The following GAPDHS variants were observed in gnomAD, a reference collection of about 807,000 sequenced individuals.
GAPDHS encodes the protein glyceraldehyde-3-phosphate dehydrogenase, testis-specific.
GAPDHS carries 42 observed loss-of-function variants against 48.7 expected under a neutral mutation model. That is an observed-to-expected ratio of 0.86 (90% confidence interval 0.67 to 1.12). The LOEUF (loss-of-function observed/expected upper bound fraction) is 1.12. Among genes scored for constraint, GAPDHS ranks in the 50% most tolerant of loss-of-function variants. The pLI is 0.00. For missense variants in GAPDHS, 512 were observed against 557.7 expected (o/e 0.92, Z 0.82); for synonymous variants, 166 against 219.1 (o/e 0.76, Z 2.14).
intron 1 of GAPDHS, among the ~76,000 whole-genome samples, chr19:35,535,400 T>G (rs1005994727): frequency 7.9e-5 from 12 of 152,228 alleles, no homozygotes; most frequent in South Asian, 2.1e-4. Context: ...TATTTTTTTT[T>G]GGGAGATGGA....
intron 4 of GAPDHS, 65 bp from the exon 5 acceptor site, chr19:35,542,254 G>A: frequency 9.0e-7 from 1 of 1,114,882 alleles, no homozygotes; most frequent in Non-Finnish European, 1.4e-6. Flanking sequence ...AATGGTGAAA[G>A]CCATGGACTA....
In GAPDHS at chr19:35,536,989, G is replaced by A. The variant is rs775923448; in HGVS notation, c.244G>A (p.Gly82Arg). The A allele has an allele frequency of 6.2e-7, 1 of 1,612,590 alleles. No homozygotes were observed. Among genetic ancestry groups the A allele is most frequent in the Non-Finnish European group, 8.5e-7 (1 of 1,179,178 alleles). The part of the protein sequence containing the change: ...VARELTVGIN[G>R]FGRIGRLVLR... ...CCGGGAGCTGACTGTGGGCATCAAT[G>A]GGTGAGTCTACTCCAGCCCCTGATC... The change falls in exon 2 of 11, where the codon GGA becomes AGA. Residue 82 changes from glycine (G) to arginine (R), a missense_variant and splice_region_variant. Physicochemically the swap from Gly to Arg is moderately radical, Grantham distance 125. Coordinates refer to ENST00000222286, the MANE Select transcript of GAPDHS (RefSeq NM_014364.5).
Position 35,537,198 on chromosome 19 carries a change from T to C in GAPDHS, c.245+208T>C, listed in dbSNP as rs76569899. Among the ~76,000 whole-genome samples the C allele has an allele frequency of 1.9e-3, 288 of 152,316 alleles. 5 individuals are homozygous for C. In the East Asian group the frequency reaches 0.042, roughly 22 times the overall value. On this transcript the variant is annotated intron_variant, in intron 2 of 10. Transcript: ENST00000222286. Reference sequence around the variant, plus strand: ...GTAATCAAATAAAGAAATTAGATTGTTCAGTAGAGTGTGCTGGGAACAGTG... The same window carrying C: ...GTAATCAAATAAAGAAATTAGATTGCTCAGTAGAGTGTGCTGGGAACAGTG...
At chr19:35,539,963 C>T (rs1250384038) in intron 4 of GAPDHS, among the ~76,000 whole-genome samples, 1 of 152,188 alleles carries the variant, frequency 6.6e-6, no homozygotes, top group Non-Finnish European at 1.5e-5. Context: ...CAATGCAGTT[C>T]CCCGCCCCTC....
intron 2 of GAPDHS, among the ~76,000 whole-genome samples, chr19:35,537,565 A>G (rs1028115585): frequency 6.6e-6 from 1 of 152,144 alleles, no homozygotes; most frequent in African/African-American, 2.4e-5. Context: ...GGATGTTTTC[A>G]TGCCAAGAGA....
chr19:35,536,696 GC>G, intron 1 of GAPDHS, 116 bp from the exon 2 acceptor site: 2 of 782,674 alleles, frequency 2.6e-6, no homozygotes, highest in Non-Finnish European at 4.2e-6. Flanking sequence ...GAAACACTGG[GC>G]TAAATGGTTG....
chr19:35,544,565 C>T (rs769689328), intron 9 of GAPDHS: 30 of 313,738 alleles, frequency 9.6e-5, no homozygotes, highest in Non-Finnish European at 1.5e-4. Flanking sequence ...GGGCCCCAGC[C>T]GGTCAGATCT....
At position 35,542,562 on chromosome 19, in the gene GAPDHS, G is replaced by C. The variant is rs745603439; in HGVS notation, c.613G>C (p.Gly205Arg). Residue 205 changes from glycine (G) to arginine (R), a missense_variant, in exon 6 of 11, where the codon GGT (glycine) becomes CGT (arginine). Gly to Arg is a moderately radical substitution (Grantham distance 125). Transcript: ENST00000222286. ...PSPDAPMFVM[G>R]VNENDYNPGS... ...ACCGGATGCACCAATGTTCGTCATG[G>C]GTGTCAATGAAAATGACTATAACCC... 16 of 1,613,802 alleles carry C rather than the reference G, an allele frequency of 9.9e-6. No homozygotes were observed. The highest frequency in any genetic ancestry group is 1.7e-4 in the Middle Eastern group (1 of 6,060).
At chr19:35,543,151 C>A in intron 7 of GAPDHS, 125 bp downstream of exon 7, 1 of 961,534 alleles carries the variant, frequency 1.0e-6, no homozygotes, top group Non-Finnish European at 1.6e-6. Flanking sequence ...CCCACCAGTG[C>A]AGAAGTCACT....
chr19:35,543,123 T>C (rs1204943484), intron 7 of GAPDHS, 97 bp downstream of exon 7: 1 of 1,093,338 alleles, frequency 9.1e-7, no homozygotes, highest in Non-Finnish European at 1.4e-6. Context: ...AGGGAGAGAC[T>C]GGTTTCGGGA....
chr19:35,536,831 C>T lies in GAPDHS; in HGVS notation c.86C>T (p.Pro29Leu), dbSNP rs745852651. Reference sequence around the variant, plus strand: ...CGCATAGTGACCAGAGCACCGCCCCCACCTGAGCCTAAGGCTGAAGTAGAG... The same window carrying T: ...CGCATAGTGACCAGAGCACCGCCCCTACCTGAGCCTAAGGCTGAAGTAGAG... ...QPCPVTRAPP[P>L]PEPKAEVEPQ... The change falls in exon 2 of 11, where the codon CCA becomes CTA. Residue 29 changes from proline to leucine, a missense_variant. Transcript: ENST00000222286. 2.2e-5 allele frequency: 35 copies of T among 1,612,714 alleles called. No individual in the cohort carries two copies. The highest frequency in any genetic ancestry group is 2.7e-5 in the Non-Finnish European group (32 of 1,179,060).
Position 35,538,371 on chromosome 19 carries a change from G to A in GAPDHS, c.310G>A (p.Val104Met), listed in dbSNP as rs772605894. The A allele has an allele frequency of 1.2e-6, 2 of 1,610,140 alleles. No individual in the cohort carries two copies. Among genetic ancestry groups the A allele is most frequent in the East Asian group, 2.2e-5 (1 of 44,692 alleles). ...CMEKGVKVVA[V>M]NDPFIDPEYM... ...GGAGAAGGGTGTTAAGGTGGTGGCTGTGAATGATCCATTCATTGACCCGGA... is the reference window on the plus strand; with the variant it reads ...GGAGAAGGGTGTTAAGGTGGTGGCTATGAATGATCCATTCATTGACCCGGA... Residue 104 changes from valine (V) to methionine (M), a missense_variant, in exon 3 of 11, where the codon GTG becomes ATG. Val to Met is a conservative substitution (Grantham distance 21). Coordinates refer to ENST00000222286, the MANE Select transcript of GAPDHS (RefSeq NM_014364.5).
At chr19:35,535,222 G>C (rs557242974) in intron 1 of GAPDHS, among the ~76,000 whole-genome samples, 1 of 152,098 alleles carries the variant, frequency 6.6e-6, no homozygotes, top group African/African-American at 2.4e-5. Context: ...TAGCTCAGGC[G>C]GCTGCTACCT....
At position 35,544,912 on chromosome 19, in the gene GAPDHS, G is replaced by C. The variant is rs1166804109; in HGVS notation, c.1060G>C (p.Val354Leu). The C allele has an allele frequency of 9.3e-6, 15 of 1,607,134 alleles. No individual in the cohort carries two copies. The highest frequency in any genetic ancestry group is 1.3e-5 in the Non-Finnish European group (15 of 1,173,580). ...GILAYTEDEV[V>L]STDFLGDTHS... Reference sequence around the variant, plus strand: ...TCTTTGAAATTCTGACTTCCAGGTCGTCTCTACGGACTTCCTCGGTGATAC... The same window carrying C: ...TCTTTGAAATTCTGACTTCCAGGTCCTCTCTACGGACTTCCTCGGTGATAC... The change falls in exon 10 of 11, where the codon GTC becomes CTC. Residue 354 changes from valine to leucine, a missense_variant. By Grantham distance (32) the Val-to-Leu change is conservative (BLOSUM62 1). Coordinates refer to ENST00000222286, the MANE Select transcript of GAPDHS (RefSeq NM_014364.5).
At position 35,538,392 on chromosome 19, in the gene GAPDHS, C is replaced by A. The variant is rs376654219; in HGVS notation, c.331C>A (p.Pro111Thr). 12 of 1,603,792 alleles carry A rather than the reference C, an allele frequency of 7.5e-6. No homozygotes were observed. The highest frequency in any genetic ancestry group is 1.6e-4 in the Middle Eastern group (1 of 6,070). The change falls in exon 3 of 11, where the codon CCG (proline) becomes ACG (threonine). Residue 111 changes from proline (P) to threonine (T), a missense_variant. Coordinates refer to ENST00000222286, the MANE Select transcript of GAPDHS (RefSeq NM_014364.5). The stretch of plus-strand genomic sequence containing the variant: ...GGCTGTGAATGATCCATTCATTGAC[C>A]CGGAATACATGGTCAGTAGCTGGCA... ...VVAVNDPFID[P>T]EYMVYMFKYD...
At chr19:35,536,719 C>A in intron 1 of GAPDHS, 94 bp from the exon 2 acceptor site, 2 of 1,057,348 alleles carry the variant, frequency 1.9e-6, no homozygotes, top group Non-Finnish European at 2.8e-6. Flanking sequence ...TCACGAGGGG[C>A]CAGGAGCCAG....
intron 6 of GAPDHS, 67 bp from the exon 7 acceptor site, chr19:35,542,878 G>A (rs1181892491): frequency 8.5e-7 from 1 of 1,180,896 alleles, no homozygotes; most frequent in Non-Finnish European, 1.3e-6. Context: ...ACCCCAAGAG[G>A]GGTAAGGGTG....
rs896851759 is a variant in GAPDHS, at chr19:35,543,938, AG to A, written c.1056+114del. 6.3e-6 allele frequency: 9 copies of A among 1,434,806 alleles called. No individual in the cohort carries two copies. In the Admixed American group the frequency reaches 2.3e-4, roughly 36 times the overall value. 88.9% of individuals were successfully genotyped at this position (1,434,806 alleles called of 1,614,324 possible). On this transcript the variant is annotated intron_variant, in intron 9 of 10. Coordinates refer to ENST00000222286, the MANE Select transcript of GAPDHS (RefSeq NM_014364.5). The stretch of plus-strand genomic sequence containing the variant: ...CCAAGTCAGAAACTGCAGGGCAGGA[AG>A]GGAGATCTCCCTGCCTCAGGGCCTT...
At chr19:35,539,327 G>A (rs913135904) in intron 4 of GAPDHS, among the ~76,000 whole-genome samples, 1 of 152,210 alleles carries the variant, frequency 6.6e-6, no homozygotes, top group South Asian at 2.1e-4. Context: ...AATTCCAAAG[G>A]GAGGAAGGTA....
Sources: gnomAD v4.1 joint callset for allele counts (sites outside exome capture counted in the v4.1 genomes callset) on GRCh38, gnomAD v4.1.1 for gene constraint, MANE v1.5 for transcripts, NCBI Gene and HGNC (gene_info 2026-07-23, HGNC 2026-07-21) for gene names.